The following PADI6 variants were observed in gnomAD, a reference collection of about 807,000 sequenced individuals.
PADI6 encodes the protein inactive protein-arginine deiminase type-6.
PADI6 carries 66 observed loss-of-function variants against 78.2 expected under a neutral mutation model. The observed-to-expected ratio is 0.84, with a 90% CI of 0.69 to 1.04. The LOEUF is 1.04. PADI6 is among the 50% of genes least tolerant of loss of function. The pLI, the probability that PADI6 is intolerant of heterozygous loss-of-function variation, is 0.00. For synonymous variants in PADI6, 397 were observed against 346.9 expected (o/e 1.14, Z -1.60); for missense variants, 854 against 866.1 (o/e 0.99, Z 0.18).
intron 5 of PADI6, among the ~76,000 whole-genome samples, 169 bp from the exon 6 acceptor site, chr1:17,381,798 A>G (rs1180926286): frequency 1.3e-5 from 2 of 152,060 alleles, no homozygotes; most frequent in Non-Finnish European, 2.9e-5. Flanking sequence ...GCCTGTAGCC[A>G]CCTAGAACAA....
chr1:17,378,960 G>C lies in PADI6; in HGVS notation c.368-960G>C, dbSNP rs866430542. On this transcript the variant is annotated intron_variant, in intron 3 of 15. Transcript: ENST00000619609. ...GTCATGTATTGAATTTTTTTTGGGGGGGGGGACAGAATCTTGCTCTGTCAC... is the reference window on the plus strand; with the variant it reads ...GTCATGTATTGAATTTTTTTTGGGGCGGGGGACAGAATCTTGCTCTGTCAC... Among the ~76,000 whole-genome samples the C allele has an allele frequency of 4.2e-5, 6 of 143,698 alleles. No homozygotes were observed. The East Asian group carries it at 6.4e-4, about 15-fold the overall frequency. The allele number at this position is 143,698 out of a possible 152,430, so 94.3% of individuals were successfully genotyped here.
At chr1:17,390,904 C>T (rs888407288) in intron 8 of PADI6, among the ~76,000 whole-genome samples, 3 of 152,158 alleles carry the variant, frequency 2.0e-5, no homozygotes, top group African/African-American at 7.2e-5. Flanking sequence ...CATGGTTTGA[C>T]CCCATATAGC....
At chr1:17,393,266 G>C (rs907839187) in intron 9 of PADI6, among the ~76,000 whole-genome samples, 1 of 152,148 alleles carries the variant, frequency 6.6e-6, no homozygotes, top group African/African-American at 2.4e-5. Flanking sequence ...TTTAAGCTAA[G>C]GACAAACAAG....
rs1557594100 is a variant in PADI6 at position 17,373,250 on chromosome 1, G to A, written c.294+17G>A. The A allele has an allele frequency of 6.2e-7, 1 of 1,611,178 alleles. No individual in the cohort carries two copies. The highest frequency in any genetic ancestry group is 2.2e-5 in the East Asian group (1 of 44,814). On this transcript the variant is annotated intron_variant, in intron 2 of 15. Coordinates refer to ENST00000619609, the MANE Select transcript of PADI6 (RefSeq NM_207421.4). ...GCGGATAAGGTAAGCCTCAGGGGAA[G>A]AGGTGAGGGGCATCTCCCGGGGTGG... is the stretch of plus-strand genomic sequence containing the variant.
In PADI6 at chr1:17,394,014, A is replaced by G. The variant is rs374615037; in HGVS notation, c.1114A>G (p.Thr372Ala). 1.9e-6 allele frequency: 3 copies of G among 1,613,692 alleles called. No individual in the cohort carries two copies. Among genetic ancestry groups the G allele is most frequent in the Non-Finnish European group, 2.5e-6 (3 of 1,179,878 alleles). The stretch of plus-strand genomic sequence containing the variant: ...CTGCTACACCCAGGCTCCCCACAAG[A>G]CAACGTCCTTGATCCTCGACACACC... ...AFCYTQAPHK[T>A]TSLILDTPQA... Residue 372 changes from threonine (T) to alanine (A), a missense_variant, in exon 10 of 16, where the codon ACA becomes GCA. Transcript: ENST00000619609.
At chr1:17,379,102 G>A (rs1249651925) in intron 3 of PADI6, among the ~76,000 whole-genome samples, 9 of 139,400 alleles carry the variant, frequency 6.5e-5, no homozygotes, top group African/African-American at 2.3e-4. Flanking sequence ...CCTCCACCAT[G>A]CCCAGTTAAT....
intron 13 of PADI6, 65 bp downstream of exon 13, chr1:17,395,728 A>G (rs1421069344): frequency 6.5e-6 from 10 of 1,540,252 alleles, no homozygotes; most frequent in Non-Finnish European, 3.5e-6. Context: ...TCCTTTCTAC[A>G]TAGCCATTCT....
chr1:17,394,168 G>A (rs1383472299), intron 10 of PADI6, 86 bp downstream of exon 10: 3 of 1,546,204 alleles, frequency 1.9e-6, no homozygotes, highest in African/African-American at 1.4e-5. Flanking sequence ...ACCAAGTGGG[G>A]AGAGGGCCCA....
chr1:17,386,922 T>G (rs568633560), intron 6 of PADI6, among the ~76,000 whole-genome samples: 2 of 152,282 alleles, frequency 1.3e-5, no homozygotes, highest in Admixed American at 1.3e-4. Flanking sequence ...CAGCTGGCAG[T>G]GCCGTGCAGA....
At chr1:17,394,554 C>CT (rs2100321116) in intron 11 of PADI6, 100 bp downstream of exon 11, 1 of 1,280,452 alleles carries the variant, frequency 7.8e-7, no homozygotes, top group East Asian at 2.5e-5. Context: ...GTCACACACA[C>CT]TGGACCATTT....
intron 9 of PADI6, among the ~76,000 whole-genome samples, chr1:17,392,633 A>G (rs1052967161): frequency 6.6e-6 from 1 of 152,234 alleles, no homozygotes. Flanking sequence ...TGATCATCAC[A>G]TGCTAGGCAC....
chr1:17,393,975 G>A lies in PADI6; in HGVS notation c.1075G>A (p.Asp359Asn). 6.2e-7 allele frequency: 1 copy of A among 1,613,250 alleles called. No individual in the cohort carries two copies. Among genetic ancestry groups the A allele is most frequent in the Non-Finnish European group, 8.5e-7 (1 of 1,179,290 alleles). The change falls in exon 10 of 16, where the codon GAT (aspartate) becomes AAT (asparagine). Residue 359 changes from aspartate to asparagine, a missense_variant and splice_region_variant. Physicochemically the swap from Asp to Asn is conservative, Grantham distance 23 (BLOSUM62 1). Coordinates refer to ENST00000619609, the MANE Select transcript of PADI6 (RefSeq NM_207421.4). ...CAATCTGTCTTCCTCTCCATTCCAG[G>A]ATGAGATGGCCTTCTGCTACACCCA... ...DPNRLGRWLQ[D>N]EMAFCYTQAP... is the part of the protein sequence containing the mutation.
intron 6 of PADI6, among the ~76,000 whole-genome samples, chr1:17,387,542 G>T (rs1570137737): frequency 6.6e-6 from 1 of 152,120 alleles, no homozygotes; most frequent in African/African-American, 2.4e-5. Context: ...GAGGTCAGGA[G>T]ATCAAGACCA....
intron 9 of PADI6, among the ~76,000 whole-genome samples, chr1:17,393,625 C>T (rs2075214798): frequency 6.6e-6 from 1 of 152,138 alleles, no homozygotes; most frequent in Non-Finnish European, 1.5e-5. Context: ...AGGCATGAGC[C>T]ACCATGCCTG....
intron 2 of PADI6, among the ~76,000 whole-genome samples, chr1:17,374,846 C>A (rs928166571): frequency 1.3e-5 from 2 of 152,086 alleles, no homozygotes; most frequent in Admixed American, 6.5e-5. Flanking sequence ...TGACCAAGAC[C>A]TTGTGGTCAG....
In PADI6 at chr1:17,388,820, G is replaced by A. The variant is rs755969432; in HGVS notation, c.902G>A (p.Arg301Gln). 43 of 1,613,672 alleles carry A rather than the reference G, an allele frequency of 2.7e-5. No homozygotes were observed. Among genetic ancestry groups the A allele is most frequent in the Non-Finnish European group, 3.5e-5 (41 of 1,179,848 alleles). ...TVLYKDTVVF[R>Q]VAPCVFIPCT... ...CTGTACAAAGACACGGTGGTGTTCC[G>A]GGTGGCTCCCTGTGTCTTCATTCCC... The change falls in exon 8 of 16, where the codon CGG (arginine) becomes CAG (glutamine). Residue 301 changes from arginine (R) to glutamine (Q), a missense_variant. Coordinates refer to ENST00000619609, the MANE Select transcript of PADI6 (RefSeq NM_207421.4).
intron 3 of PADI6, among the ~76,000 whole-genome samples, chr1:17,377,887 G>A (rs77381422): frequency 0.016 from 2,436 of 152,220 alleles, 74 homozygotes; most frequent in African/African-American, 0.055. Flanking sequence ...TTGGAATAAC[G>A]CCTTCCAACT....
intron 3 of PADI6, among the ~76,000 whole-genome samples, chr1:17,377,688 T>C (rs904519566): frequency 6.6e-6 from 1 of 152,178 alleles, no homozygotes; most frequent in East Asian, 1.9e-4. Context: ...GAATCTTGTG[T>C]TACCTGACGT....
chr1:17,392,205 C>A lies in PADI6; in HGVS notation c.1054C>A (p.Arg352Ser). The A allele has an allele frequency of 3.2e-6, 5 of 1,556,730 alleles. No homozygotes were observed. Among genetic ancestry groups the A allele is most frequent in the Non-Finnish European group, 4.3e-6 (5 of 1,149,942 alleles). The change falls in exon 9 of 16, where the codon CGC becomes AGC. Residue 352 changes from arginine (R) to serine (S), a missense_variant. Arg to Ser is a moderately radical substitution (Grantham distance 110). Coordinates refer to ENST00000619609, the MANE Select transcript of PADI6 (RefSeq NM_207421.4). ...GGCATCTGTCTATGAGGACCCCAAC[C>A]GCCTGGGCAGGTGGCTCCAGGTAAC... ...QVASVYEDPNRLGRWLQDEMA... is the reference protein window; with the variant it reads ...QVASVYEDPNSLGRWLQDEMA...
Sources: allele counts gnomAD v4.1 joint callset (sites outside exome capture counted in the v4.1 genomes callset), GRCh38; gene constraint gnomAD v4.1.1; transcripts MANE v1.5; gene names NCBI Gene and HGNC (gene_info 2026-07-23, HGNC 2026-07-21).